The following SLC35D1 variants were observed in gnomAD, a reference collection of about 807,000 sequenced individuals.
SLC35D1 encodes the protein solute carrier family 35 member D1.
A neutral mutation model predicts 46.7 loss-of-function variants in SLC35D1; 31 were observed. The observed-to-expected ratio is 0.66, with a 90% CI of 0.50 to 0.90. The LOEUF (loss-of-function observed/expected upper bound fraction) is 0.90, where lower values mean the gene tolerates loss of function less well. Among genes scored for constraint, SLC35D1 ranks in the 40% least tolerant of loss-of-function variants. The pLI is 0.00. For missense variants in SLC35D1, 397 were observed against 426.2 expected, an observed-to-expected ratio of 0.93 and a Z score of 0.60; for synonymous variants, 195 against 164.6, an observed-to-expected ratio of 1.18 and a Z score of -1.41.
rs372031679 is a variant in SLC35D1, at chr1:67,012,463, T to A, written c.877-3296A>T. On this transcript the variant is annotated intron_variant, in intron 10 of 11. Transcript: ENST00000235345. ...CCTAGGTTTTCCATAAAGAGACTATTAGATTGAGTCACTATTAAAATAAGT... is the reference window on the plus strand; with the variant it reads ...CCTAGGTTTTCCATAAAGAGACTATAAGATTGAGTCACTATTAAAATAAGT... Among the ~76,000 whole-genome samples, 7 of 146,612 alleles carry A rather than the reference T, an allele frequency of 4.8e-5. No individual in the cohort carries two copies. In the East Asian group the frequency reaches 1.2e-3, roughly 26 times the overall value.
chr1:67,053,413 G>GCCCC (rs1438605663), intron 1 of SLC35D1, among the ~76,000 whole-genome samples: 4 of 152,288 alleles, frequency 2.6e-5, no homozygotes, highest in African/African-American at 9.6e-5. Flanking sequence ...GGACACTGAA[G>GCCCC]CCCCGGCCCC....
intron 7 of SLC35D1, among the ~76,000 whole-genome samples, chr1:67,043,952 G>A (rs972706388): frequency 1.2e-4 from 19 of 152,176 alleles, no homozygotes; most frequent in Admixed American, 3.9e-4. Context: ...TAACTCCTGC[G>A]ATTGAAAGAT....
rs910517329 is a variant in SLC35D1 at position 67,003,532 on chromosome 1, A to G, written c.*808T>C. ...CTAAATTCTCAACCTTACCTGAGTC[A>G]CTATGGCAGGAGTGAGATGTTTCAA... is the stretch of plus-strand genomic sequence containing the variant. On this transcript the variant is annotated 3_prime_UTR_variant, in exon 12 of 12. Transcript: ENST00000235345. The G allele has an allele frequency of 6.6e-6, 1 of 152,358 alleles. No homozygotes were observed. The highest frequency in any genetic ancestry group is 1.5e-5 in the Non-Finnish European group (1 of 68,074). The allele number at this position is 152,358 out of a possible 1,614,324, so 9.4% of individuals were successfully genotyped here.
At chr1:67,009,352 C>T (rs1487134627) in intron 10 of SLC35D1, among the ~76,000 whole-genome samples, 185 bp from the exon 11 acceptor site, 2 of 152,112 alleles carry the variant, frequency 1.3e-5, no homozygotes, top group African/African-American at 4.8e-5. Context: ...GTGACATTAG[C>T]CTCTTCCCAA....
the SLC35D1 span, chr1:66,976,527 CA>C: frequency 6.9e-7 from 1 of 1,459,828 alleles, no homozygotes; most frequent in Non-Finnish European, 9.2e-7. Context: ...TTTCAAACTT[CA>C]GATGTTTATC....
downstream of SLC35D1, among the ~76,000 whole-genome samples, chr1:66,998,121 T>G (rs1667263469): frequency 6.6e-6 from 1 of 151,958 alleles, no homozygotes; most frequent in Non-Finnish European, 1.5e-5. Flanking sequence ...AAAAGTCTAG[T>G]GGTTTCTCAA....
the SLC35D1 span, among the ~76,000 whole-genome samples, chr1:66,991,007 T>C: frequency 6.6e-6 from 1 of 152,328 alleles, no homozygotes; most frequent in East Asian, 1.9e-4. Context: ...GCTTAGGGCC[T>C]AACTCTGGCT....
At chr1:67,034,643 T>G (rs1355002524) in intron 8 of SLC35D1, among the ~76,000 whole-genome samples, 2 of 152,158 alleles carry the variant, frequency 1.3e-5, no homozygotes, top group African/African-American at 4.8e-5. Context: ...ACCAGGATAA[T>G]TTGACTTCTT....
chr1:66,991,887 TATAATCTGTGGTAA>T, the SLC35D1 span, among the ~76,000 whole-genome samples: 1 of 130,508 alleles, frequency 7.7e-6, no homozygotes, highest in Non-Finnish European at 1.7e-5. Flanking sequence ...GCCGTTACTG[TATAATCTGTGGTAA>T]GCAAAACCTC....
the SLC35D1 span, among the ~76,000 whole-genome samples, chr1:66,977,266 CG>C: frequency 6.6e-6 from 1 of 151,994 alleles, no homozygotes; most frequent in African/African-American, 2.4e-5. Flanking sequence ...CCTGCCATGA[CG>C]CCTGGCTAAT....
chr1:66,995,323 G>A (rs567740344), downstream of SLC35D1, among the ~76,000 whole-genome samples: 1 of 151,764 alleles, frequency 6.6e-6, no homozygotes, highest in African/African-American at 2.4e-5. Context: ...CCTGGCCCCT[G>A]TGAGACATCT....
intron 8 of SLC35D1, among the ~76,000 whole-genome samples, chr1:67,036,580 G>A (rs188580125): frequency 7.2e-5 from 11 of 151,966 alleles, no homozygotes; most frequent in African/African-American, 1.4e-4. Flanking sequence ...ACTGTCTGAC[G>A]TAAGTATAGC....
intron 8 of SLC35D1, among the ~76,000 whole-genome samples, chr1:67,030,345 C>T (rs1296909009): frequency 6.6e-6 from 1 of 152,154 alleles, no homozygotes; most frequent in Non-Finnish European, 1.5e-5. Context: ...AATTATCTTC[C>T]TTTCCTGGCT....
the SLC35D1 span, among the ~76,000 whole-genome samples, chr1:66,982,740 CAT>C: frequency 2.8e-4 from 42 of 152,314 alleles, no homozygotes; most frequent in East Asian, 7.3e-3. Flanking sequence ...TTTGGTCTCA[CAT>C]TGGTCCTGCT....
At chr1:67,046,640 G>T (rs939800216) in intron 7 of SLC35D1, among the ~76,000 whole-genome samples, 7 of 152,278 alleles carry the variant, frequency 4.6e-5, no homozygotes, top group African/African-American at 1.2e-4. Context: ...GTTTCTTACA[G>T]TAATGTAATC....
chr1:67,053,690 A>G, intron 1 of SLC35D1, 121 bp downstream of exon 1: 2 of 989,800 alleles, frequency 2.0e-6, no homozygotes, highest in South Asian at 5.5e-5. Context: ...CGCCCTCCCC[A>G]GCTCCCGCCC....
intron 6 of SLC35D1, 112 bp from the exon 7 acceptor site, chr1:67,047,479 A>G: frequency 1.1e-6 from 1 of 942,864 alleles, no homozygotes; most frequent in Non-Finnish European, 1.6e-6. Flanking sequence ...GGAAGTGAAT[A>G]TTAGGCATTT....
chr1:67,038,588 T>G (rs1668171941), intron 8 of SLC35D1, among the ~76,000 whole-genome samples: 1 of 152,198 alleles, frequency 6.6e-6, no homozygotes, highest in Non-Finnish European at 1.5e-5. Flanking sequence ...TTAGTAAGTT[T>G]AAACACAATC....
At chr1:67,024,189 G>A (rs1046574294) in intron 8 of SLC35D1, among the ~76,000 whole-genome samples, 5 of 151,718 alleles carry the variant, frequency 3.3e-5, no homozygotes, top group African/African-American at 4.8e-5. Flanking sequence ...CAAGTGATCC[G>A]CCCGCCTCAG....
Sources: gnomAD v4.1 joint callset for allele counts (sites outside exome capture counted in the v4.1 genomes callset) on GRCh38, gnomAD v4.1.1 for gene constraint, MANE v1.5 for transcripts, NCBI Gene and HGNC (gene_info 2026-07-23, HGNC 2026-07-21) for gene names.